KCNK1: variants seen among roughly 807,000 people sequenced by gnomAD.
KCNK1 encodes the protein potassium two pore domain channel subfamily K member 1.
Under a neutral mutation model 22.2 loss-of-function variants are expected in KCNK1, and 10 were observed. That is an observed-to-expected ratio of 0.45 (90% CI 0.28 to 0.76). The LOEUF is 0.76. Ranked by LOEUF, KCNK1 falls within the 30% of genes least tolerant of loss-of-function variation. KCNK1 has a pLI of 0.14. For missense variants in KCNK1, 378 were observed against 421.0 expected (o/e 0.90, Z 0.89); for synonymous variants, 200 against 186.4 (o/e 1.07, Z -0.60).
intron 1 of KCNK1, among the ~76,000 whole-genome samples, chr1:233,625,770 G>A (rs6668596): frequency 8.2e-4 from 125 of 152,236 alleles, no homozygotes; most frequent in Admixed American, 1.9e-3. Flanking sequence ...TGGCACTTAC[G>A]TAAAGAGTGA....
intron 1 of KCNK1, among the ~76,000 whole-genome samples, chr1:233,647,425 C>T (rs1658118480): frequency 6.6e-6 from 1 of 152,134 alleles, no homozygotes; most frequent in Non-Finnish European, 1.5e-5. Context: ...GTGGACACTG[C>T]AGCTGCCTTG....
intron 1 of KCNK1, among the ~76,000 whole-genome samples, chr1:233,659,213 T>G (rs1262583664): frequency 6.6e-6 from 1 of 151,564 alleles, no homozygotes; most frequent in Non-Finnish European, 1.5e-5. Flanking sequence ...TTTTAGATTT[T>G]TTTTGTTAAA....
intron 1 of KCNK1, among the ~76,000 whole-genome samples, chr1:233,646,536 T>C (rs1028244466): frequency 4.0e-5 from 6 of 151,730 alleles, no homozygotes; most frequent in Non-Finnish European, 7.4e-5. Flanking sequence ...GGCACCATTA[T>C]TATTATTATT....
chr1:233,644,269 C>A (rs1025826200), intron 1 of KCNK1, among the ~76,000 whole-genome samples: 1 of 152,166 alleles, frequency 6.6e-6, no homozygotes, highest in Admixed American at 6.5e-5. Flanking sequence ...AAGGCCCCAA[C>A]TCCCAACACT....
At chr1:233,635,009 G>A (rs1192063136) in intron 1 of KCNK1, among the ~76,000 whole-genome samples, 1 of 152,202 alleles carries the variant, frequency 6.6e-6, no homozygotes, top group African/African-American at 2.4e-5. Flanking sequence ...AGAAAGAAGA[G>A]TGTTTACTTA....
intron 1 of KCNK1, among the ~76,000 whole-genome samples, chr1:233,624,452 ATCTTCACCTGGCCTCACCTG>A (rs1365878668): frequency 2.6e-5 from 4 of 151,688 alleles, no homozygotes; most frequent in South Asian, 2.1e-4. Flanking sequence ...GGCCTCACCT[ATCTTCACCTGGCCTCACCTG>A]TCTTCACCTG....
intron 1 of KCNK1, among the ~76,000 whole-genome samples, chr1:233,637,907 A>G (rs1051324730): frequency 2.6e-5 from 4 of 151,966 alleles, no homozygotes; most frequent in Non-Finnish European, 5.9e-5. Context: ...GGGATAGGCA[A>G]TTTGAAGACT....
rs1349527275 is a variant in KCNK1, at chr1:233,671,781, C to T, written c.*251C>T. The T allele has an allele frequency of 2.9e-5, 15 of 509,302 alleles. No homozygotes were observed. Among genetic ancestry groups the T allele is most frequent in the African/African-American group, 3.8e-5 (2 of 52,084 alleles). The allele number at this position is 509,302 out of a possible 1,614,324, so 31.5% of individuals were successfully genotyped here. On this transcript the variant is annotated 3_prime_UTR_variant, in exon 3 of 3. Transcript: ENST00000366621. ...AAATTCATATGTGACAAAATTATCT[C>T]GACCTTACATAGGAGGAGAATACTT...
chr1:233,667,771 C>T (rs1383926144), intron 2 of KCNK1, among the ~76,000 whole-genome samples: 2 of 145,372 alleles, frequency 1.4e-5, no homozygotes, highest in African/African-American at 5.0e-5. Flanking sequence ...ACAGAATGTA[C>T]TTGATAACCA....
intron 2 of KCNK1, 75 bp downstream of exon 2, chr1:233,667,065 C>G: frequency 8.5e-7 from 1 of 1,169,970 alleles, no homozygotes; most frequent in Non-Finnish European, 1.1e-6. Flanking sequence ...TTATTTTGAG[C>G]CCAGCTCTCA....
chr1:233,628,323 G>C (rs1657724722), intron 1 of KCNK1, among the ~76,000 whole-genome samples: 1 of 152,144 alleles, frequency 6.6e-6, no homozygotes. Flanking sequence ...GAGGGCCAGG[G>C]TCCAGAAACT....
intron 1 of KCNK1, among the ~76,000 whole-genome samples, chr1:233,634,241 G>T (rs1657857252): frequency 6.6e-6 from 1 of 151,338 alleles, no homozygotes; most frequent in Admixed American, 6.6e-5. Flanking sequence ...AGGAGGCGGA[G>T]GTTGAAGTGA....
At chr1:233,638,074 G>A (rs1657934470) in intron 1 of KCNK1, among the ~76,000 whole-genome samples, 1 of 151,684 alleles carries the variant, frequency 6.6e-6, no homozygotes, top group South Asian at 2.1e-4. Context: ...TCCAAAGGGG[G>A]CATTGATTAT....
Position 233,614,381 on chromosome 1 carries a change from G to C in KCNK1, c.210G>C (p.Leu70=), listed in dbSNP as rs370399935. 9 of 1,611,138 alleles carry C rather than the reference G, an allele frequency of 5.6e-6. No homozygotes were observed. In the African/African-American group the frequency reaches 9.3e-5, roughly 17 times the overall value. The change falls in exon 1 of 3, where the codon CTG becomes CTC. Residue 70 remains leucine (L), a synonymous_variant. Transcript: ENST00000366621. The part of the protein sequence containing the change: ...KRRFLEEHEC[L]SEQQLEQFLG... ...GCTTCTTGGAGGAGCACGAGTGCCT[G>C]TCTGAGCAGCAGCTGGAGCAGTTCC...
chr1:233,646,099 A>G (rs1204791774), intron 1 of KCNK1, among the ~76,000 whole-genome samples: 1 of 152,050 alleles, frequency 6.6e-6, no homozygotes, highest in Non-Finnish European at 1.5e-5. Context: ...TCTTTCATGG[A>G]CGTATTGATT....
At chr1:233,663,834 T>G (rs979800147) in intron 1 of KCNK1, among the ~76,000 whole-genome samples, 2 of 151,884 alleles carry the variant, frequency 1.3e-5, no homozygotes, top group Non-Finnish European at 2.9e-5. Flanking sequence ...GTTGGCTTTT[T>G]TTTTGCGGGG....
intron 1 of KCNK1, among the ~76,000 whole-genome samples, chr1:233,621,810 G>A (rs572522760): frequency 7.0e-4 from 106 of 151,738 alleles, no homozygotes; most frequent in African/African-American, 2.4e-3. Flanking sequence ...TATCAATAAC[G>A]TGGAAGAAAT....
At chr1:233,659,599 T>C (rs1049678407) in intron 1 of KCNK1, among the ~76,000 whole-genome samples, 9 of 151,872 alleles carry the variant, frequency 5.9e-5, no homozygotes, top group African/African-American at 2.2e-4. Flanking sequence ...GTATGTGCTA[T>C]ACTTTTATGC....
intron 1 of KCNK1, among the ~76,000 whole-genome samples, chr1:233,646,289 C>T (rs1295412335): frequency 1.3e-5 from 2 of 152,142 alleles, no homozygotes; most frequent in Non-Finnish European, 2.9e-5. Flanking sequence ...GATACCCATA[C>T]TTGTGCTCCA....
Sources: allele counts gnomAD v4.1 joint callset (sites outside exome capture counted in the v4.1 genomes callset), GRCh38; gene constraint gnomAD v4.1.1; transcripts MANE v1.5; gene names NCBI Gene and HGNC (gene_info 2026-07-23, HGNC 2026-07-21).